RGL3: variants seen among roughly 807,000 people sequenced by gnomAD.
The protein encoded by RGL3 is ral guanine nucleotide dissociation stimulator-like 3.
A neutral mutation model predicts 90.6 loss-of-function variants in RGL3; 85 were observed. That is an observed-to-expected ratio of 0.94 (90% confidence interval 0.79 to 1.12). The LOEUF (loss-of-function observed/expected upper bound fraction) is 1.12, where lower values mean the gene tolerates loss of function less well. RGL3 is among the 50% of genes most tolerant of loss of function. The probability of loss-of-function intolerance (pLI) is 0.00; values close to 1 mark genes in which losing one functional copy is unlikely to be tolerated. For missense variants in RGL3, 1,034 were observed against 939.2 expected, an observed-to-expected ratio of 1.10 and a Z score of -1.32; for synonymous variants, 408 against 385.5, an observed-to-expected ratio of 1.06 and a Z score of -0.68.
intron 18 of RGL3, among the ~76,000 whole-genome samples, chr19:11,395,987 G>T (rs1278636473): frequency 6.8e-6 from 1 of 147,946 alleles, no homozygotes; most frequent in Non-Finnish European, 1.5e-5. Flanking sequence ...GAGTGCAGTG[G>T]CGTGATCTCA....
At position 11,402,059 on chromosome 19, in the gene RGL3, G is replaced by T. The variant is rs1377451496; in HGVS notation, c.1436C>A (p.Pro479His). Residue 479 changes from proline (P) to histidine (H), a missense_variant, in exon 13 of 19, where the codon CCC becomes CAC. Pro to His is a moderately conservative substitution (Grantham distance 77). Transcript: ENST00000380456. ...CTGGGCATGCAGGGCAGCCAGGATG[G>T]GCGGGTGGGGGCTCAGGGTGTAGCT... Reference protein sequence around the residue: ...CQSYTLSPHPPILAALHAQNQ... With the variant: ...CQSYTLSPHPHILAALHAQNQ... The T allele has an allele frequency of 6.3e-7, 1 of 1,574,806 alleles. No individual in the cohort carries two copies.
At chr19:11,416,335 C>T (rs997749801) in intron 4 of RGL3, 187 bp from the exon 5 acceptor site, 29 of 615,128 alleles carry the variant, frequency 4.7e-5, no homozygotes, top group African/African-American at 2.4e-4. Context: ...TACAGGCATG[C>T]GCCACCACAC....
intron 2 of RGL3, 50 bp downstream of exon 2, chr19:11,418,621 C>T: frequency 1.4e-6 from 2 of 1,431,802 alleles, no homozygotes; most frequent in African/African-American, 1.4e-5. Context: ...CAGCTCCGCC[C>T]TCAACTGGTC....
intron 16 of RGL3, 50 bp downstream of exon 16, chr19:11,399,805 A>C: frequency 9.5e-7 from 1 of 1,051,076 alleles, no homozygotes; most frequent in Non-Finnish European, 1.4e-6. Context: ...GCACACACAC[A>C]GAGCCTGGGT....
chr19:11,396,146 A>C (rs1286986666), intron 18 of RGL3, among the ~76,000 whole-genome samples: 3 of 62,464 alleles, frequency 4.8e-5, no homozygotes, highest in African/African-American at 2.2e-4. Flanking sequence ...CTATATATAT[A>C]TATATATATA....
At chr19:11,398,911 C>T (rs1319428491) in intron 16 of RGL3, among the ~76,000 whole-genome samples, 2 of 152,018 alleles carry the variant, frequency 1.3e-5, no homozygotes, top group African/African-American at 2.4e-5. Context: ...CCTCGTGATC[C>T]GCCCACCTCG....
chr19:11,399,721 G>A (rs1968637913), intron 16 of RGL3, 134 bp downstream of exon 16: 1 of 493,686 alleles, frequency 2.0e-6, no homozygotes, highest in East Asian at 3.5e-5. Context: ...GATACCCCGG[G>A]CGCTCAGTGT....
chr19:11,403,162 A>T (rs929894067), intron 9 of RGL3, among the ~76,000 whole-genome samples: 4 of 148,906 alleles, frequency 2.7e-5, no homozygotes, highest in African/African-American at 9.8e-5. Flanking sequence ...CAGCCTCTCA[A>T]GTAGCTGGGA....
chr19:11,414,449 A>T (rs1211176160), intron 5 of RGL3, among the ~76,000 whole-genome samples: 2 of 74,130 alleles, frequency 2.7e-5, no homozygotes, highest in Non-Finnish European at 4.5e-5. Flanking sequence ...ATATATACAT[A>T]TATATATATA....
chr19:11,414,490 CATATATATATATATATATATATATAT>C (rs57862666), intron 5 of RGL3, among the ~76,000 whole-genome samples: 2 of 27,872 alleles, frequency 7.2e-5, no homozygotes, highest in Non-Finnish European at 1.2e-4. Flanking sequence ...TATACACCTT[CATATATATATATATATATATATATAT>C]ATATATATAT....
Position 11,402,148 on chromosome 19 carries a change from C to G in RGL3, c.1363-16G>C. 1 of 1,612,008 alleles carries G rather than the reference C, an allele frequency of 6.2e-7. No homozygotes were observed. The highest frequency in any genetic ancestry group is 1.1e-5 in the South Asian group (1 of 90,828). On this transcript the variant is annotated splice_polypyrimidine_tract_variant and intron_variant, in intron 12 of 18. Coordinates refer to ENST00000380456, the MANE Select transcript of RGL3 (RefSeq NM_001035223.4). ...TCTCCCACTCCTGGAGGACGAGCCT[C>G]TAAGACCCTACCCCTGCCCCACCCC...
At chr19:11,416,190 G>T in intron 4 of RGL3, 42 bp from the exon 5 acceptor site, 1 of 1,414,838 alleles carries the variant, frequency 7.1e-7, no homozygotes, top group Non-Finnish European at 9.4e-7. Context: ...TCCAGAGTGG[G>T]GGACATAGAA....
At chr19:11,415,253 A>G (rs1599444491) in intron 5 of RGL3, among the ~76,000 whole-genome samples, 1 of 151,658 alleles carries the variant, frequency 6.6e-6, no homozygotes, top group South Asian at 2.1e-4. Flanking sequence ...AGTTTTGGAG[A>G]CCCAGGCGGG....
rs2144711070 is a variant in RGL3 at position 11,394,478 on chromosome 19, C to G, written c.2057G>C (p.Ser686Thr). The change falls in exon 19 of 19, where the codon AGT becomes ACT. Residue 686 changes from serine to threonine, a missense_variant. Physicochemically the swap from Ser to Thr is moderately conservative, Grantham distance 58. Transcript: ENST00000380456. ...CATGAAGTCTCTGGGGGCGACTGGACTCATGGCATAGAAGACGTTGGCATT... is the reference window on the plus strand; with the variant it reads ...CATGAAGTCTCTGGGGGCGACTGGAGTCATGGCATAGAAGACGTTGGCATT... ...PDNANVFYAM[S>T]PVAPRDFMLR... 2 of 1,614,058 alleles carry G rather than the reference C, an allele frequency of 1.2e-6. No homozygotes were observed. Among genetic ancestry groups the G allele is most frequent in the African/African-American group, 1.3e-5 (1 of 74,996 alleles).
intron 5 of RGL3, among the ~76,000 whole-genome samples, chr19:11,407,730 A>G (rs1968807626): frequency 6.8e-6 from 1 of 148,018 alleles, no homozygotes; most frequent in Non-Finnish European, 1.5e-5. Context: ...TCTGTCGCCC[A>G]GGCTGGAATG....
intron 5 of RGL3, among the ~76,000 whole-genome samples, chr19:11,407,110 T>C (rs1968798503): frequency 6.6e-6 from 1 of 151,840 alleles, no homozygotes; most frequent in African/African-American, 2.4e-5. Flanking sequence ...CTCAGCCTTC[T>C]GAGTAGCTGG....
intron 11 of RGL3, 77 bp downstream of exon 11, chr19:11,402,378 A>C: frequency 6.4e-7 from 1 of 1,565,196 alleles, no homozygotes; most frequent in Non-Finnish European, 8.7e-7. Flanking sequence ...AGGTAGGATC[A>C]AGGGTGGATA....
chr19:11,415,347 C>T lies in RGL3; in HGVS notation c.637+590G>A, dbSNP rs547068136. The stretch of plus-strand genomic sequence containing the variant: ...TCCAGCCTGAGCAACGGAGCAAGAC[C>T]CTGACTCAAAAAAAAGAAAATAAAG... On this transcript the variant is annotated intron_variant, in intron 5 of 18. Coordinates refer to ENST00000380456, the MANE Select transcript of RGL3 (RefSeq NM_001035223.4). Among the ~76,000 whole-genome samples, 11 of 151,812 alleles carry T rather than the reference C, an allele frequency of 7.2e-5. No homozygotes were observed. The South Asian group carries it at 2.3e-3, about 32-fold the overall frequency.
intron 5 of RGL3, among the ~76,000 whole-genome samples, chr19:11,409,169 CAA>C (rs1267799858): frequency 5.8e-4 from 40 of 69,456 alleles, no homozygotes; most frequent in Admixed American, 6.9e-4. Context: ...GACTTTGTCT[CAA>C]AAAAAAAAAA....
Sources: allele counts gnomAD v4.1 joint callset (sites outside exome capture counted in the v4.1 genomes callset), GRCh38; gene constraint gnomAD v4.1.1; transcripts MANE v1.5; gene names NCBI Gene and HGNC (gene_info 2026-07-23, HGNC 2026-07-21).